Variants in FAT3 observed in about 807,000 individuals in gnomAD.
FAT3 encodes FAT atypical cadherin 3.
Under a neutral mutation model 310.2 loss-of-function variants are expected in FAT3, and 95 were observed. The ratio of observed to expected loss-of-function variants is 0.31; its 90% CI spans 0.26 to 0.36. FAT3 has a LOEUF of 0.36. Among genes scored for constraint, FAT3 ranks in the 10% least tolerant of loss-of-function variants. FAT3 has a pLI of 1.00. For missense variants in FAT3, 5,408 were observed against 5,715.6 expected, an observed-to-expected ratio of 0.95 and a Z score of 1.74; for synonymous variants, 2,314 against 2,192.9, an observed-to-expected ratio of 1.06 and a Z score of -1.54.
chr11:92,683,706 G>T (rs1352987193), intron 3 of FAT3, among the ~76,000 whole-genome samples: 2 of 152,158 alleles, frequency 1.3e-5, no homozygotes, highest in Non-Finnish European at 2.9e-5. Flanking sequence ...TAGTACATAT[G>T]ATATTTTAAA....
intron 3 of FAT3, among the ~76,000 whole-genome samples, chr11:92,660,507 A>G (rs927530603): frequency 6.6e-6 from 1 of 152,192 alleles, no homozygotes; most frequent in Non-Finnish European, 1.5e-5. Context: ...TGAGATGTCC[A>G]AGAGCAATAA....
At chr11:92,557,746 G>T (rs1373843170) in intron 3 of FAT3, among the ~76,000 whole-genome samples, 15 of 152,168 alleles carry the variant, frequency 9.9e-5, no homozygotes, top group Non-Finnish European at 2.2e-4. Flanking sequence ...CTTTTGTCCT[G>T]ATGTGGAAGG....
chr11:92,341,675 C>G (rs2134585390), intron 1 of FAT3, among the ~76,000 whole-genome samples: 1 of 152,234 alleles, frequency 6.6e-6, no homozygotes, highest in African/African-American at 2.4e-5. Flanking sequence ...TTTTTCTCTT[C>G]CCATGCTATA....
At chr11:92,839,304 C>T (rs1948479535) in intron 17 of FAT3, among the ~76,000 whole-genome samples, 1 of 152,176 alleles carries the variant, frequency 6.6e-6, no homozygotes, top group Non-Finnish European at 1.5e-5. Context: ...CTGAGGGCCA[C>T]ATTGTCTCTC....
At chr11:92,608,157 G>T (rs1237871932) in intron 3 of FAT3, among the ~76,000 whole-genome samples, 1 of 152,190 alleles carries the variant, frequency 6.6e-6, no homozygotes, top group Non-Finnish European at 1.5e-5. Flanking sequence ...ACATGTATCT[G>T]AAAGAGCTGA....
intron 23 of FAT3, among the ~76,000 whole-genome samples, chr11:92,881,227 G>T (rs141372050): frequency 6.6e-6 from 1 of 152,022 alleles, no homozygotes; most frequent in Non-Finnish European, 1.5e-5. Flanking sequence ...ACCCATTTCC[G>T]CAGAATCCAT....
intron 4 of FAT3, among the ~76,000 whole-genome samples, chr11:92,738,390 T>A (rs932806646): frequency 9.2e-5 from 14 of 152,212 alleles, no homozygotes; most frequent in African/African-American, 3.4e-4. Context: ...TTAGCCTGAC[T>A]ACTTTTGCAC....
chr11:92,393,788 T>A (rs1237577672), intron 2 of FAT3, among the ~76,000 whole-genome samples: 3 of 152,198 alleles, frequency 2.0e-5, no homozygotes, highest in Non-Finnish European at 4.4e-5. Flanking sequence ...ATGAAGGGCT[T>A]CACTCAGAAG....
chr11:92,574,891 A>G (rs1938389153), intron 3 of FAT3, among the ~76,000 whole-genome samples: 1 of 152,154 alleles, frequency 6.6e-6, no homozygotes, highest in African/African-American at 2.4e-5. Context: ...CACTTTGCAC[A>G]TAAGCAAACT....
intron 1 of FAT3, among the ~76,000 whole-genome samples, chr11:92,262,898 A>T (rs1335133771): frequency 6.6e-6 from 1 of 152,070 alleles, no homozygotes; most frequent in Non-Finnish European, 1.5e-5. Context: ...ATACAGAATC[A>T]TAGAGGCAAT....
At chr11:92,548,693 T>C (rs1196616535) in intron 3 of FAT3, among the ~76,000 whole-genome samples, 3 of 152,246 alleles carry the variant, frequency 2.0e-5, no homozygotes, top group Non-Finnish European at 4.4e-5. Context: ...GTGTAACTTT[T>C]ATGAATCACC....
chr11:92,345,560 GC>G (rs1235288036), intron 1 of FAT3, among the ~76,000 whole-genome samples: 3 of 152,138 alleles, frequency 2.0e-5, no homozygotes, highest in Non-Finnish European at 4.4e-5. Context: ...AATTTAACAA[GC>G]CTTATGATGG....
At chr11:92,525,969 T>G (rs572289258) in intron 3 of FAT3, among the ~76,000 whole-genome samples, 3 of 152,344 alleles carry the variant, frequency 2.0e-5, no homozygotes, top group African/African-American at 7.2e-5. Flanking sequence ...GAAAGAAAAT[T>G]ATTGATTTTC....
chr11:92,331,568 A>C (rs1271083246), intron 1 of FAT3, among the ~76,000 whole-genome samples: 1 of 152,206 alleles, frequency 6.6e-6, no homozygotes, highest in Non-Finnish European at 1.5e-5. Context: ...TCTTTCTTAC[A>C]AAGTGGCTAT....
intron 3 of FAT3, among the ~76,000 whole-genome samples, chr11:92,636,935 T>A (rs1337518535): frequency 1.3e-5 from 2 of 152,186 alleles, no homozygotes; most frequent in Admixed American, 1.3e-4. Context: ...TGGTCTTACA[T>A]AGCCTCTCTA....
chr11:92,437,863 C>T (rs1950976191), intron 2 of FAT3, among the ~76,000 whole-genome samples: 1 of 152,100 alleles, frequency 6.6e-6, no homozygotes. Flanking sequence ...TGGGGATCAG[C>T]ATGGGGGTCA....
chr11:92,738,682 TGTTTA>T (rs1945420199), intron 4 of FAT3, among the ~76,000 whole-genome samples: 1 of 152,170 alleles, frequency 6.6e-6, no homozygotes, highest in African/African-American at 2.4e-5. Context: ...GCAACAAATA[TGTTTA>T]GTTAATTTTT....
At chr11:92,610,038 G>GT (rs1045991075) in intron 3 of FAT3, among the ~76,000 whole-genome samples, 2 of 151,934 alleles carry the variant, frequency 1.3e-5, no homozygotes, top group East Asian at 1.9e-4. Flanking sequence ...TTCCTTTTGA[G>GT]TTTTTTTTCT....
intron 1 of FAT3, among the ~76,000 whole-genome samples, chr11:92,317,033 T>C (rs1352646670): frequency 6.6e-6 from 1 of 152,180 alleles, no homozygotes; most frequent in Non-Finnish European, 1.5e-5. Flanking sequence ...TGACATGTTA[T>C]TAGACTCATT....
Sources: allele counts gnomAD v4.1 joint callset (sites outside exome capture counted in the v4.1 genomes callset), GRCh38; gene constraint gnomAD v4.1.1; transcripts MANE v1.5; gene names NCBI Gene and HGNC (gene_info 2026-07-23, HGNC 2026-07-21).